SC5D: variants seen among roughly 807,000 people sequenced by gnomAD.
SC5D encodes the protein sterol-C5-desaturase, also known as lathosterol oxidase.
Under a neutral mutation model 23.9 loss-of-function variants are expected in SC5D, and 21 were observed. The observed-to-expected ratio is 0.88, with a 90% CI of 0.62 to 1.26. SC5D has a LOEUF of 1.26. Ranked by LOEUF, SC5D falls within the 50% of genes most tolerant of loss-of-function variation. The probability of loss-of-function intolerance (pLI) is 0.00; values close to 1 mark genes in which losing one functional copy is unlikely to be tolerated. For missense variants in SC5D, 309 were observed against 364.8 expected (o/e 0.85, Z 1.25); for synonymous variants, 113 against 125.9 (o/e 0.90, Z 0.68).
At chr11:121,293,470 C>T (rs1330797202) in intron 1 of SC5D, among the ~76,000 whole-genome samples, 2 of 152,154 alleles carry the variant, frequency 1.3e-5, no homozygotes, top group Non-Finnish European at 2.9e-5. Context: ...GGACAGCAAT[C>T]TGGGGCTGAG....
Position 121,307,303 on chromosome 11 carries a change from G to A in SC5D, c.691G>A (p.Asp231Asn), listed in dbSNP as rs142234975. Reference protein sequence around the residue: ...PFINGSAHHTDHHMFFDYNYG... With the variant: ...PFINGSAHHTNHHMFFDYNYG... ...TATTAATGGCTCAGCTCATCATACA[G>A]ACCACCATATGTTCTTTGACTATAA... is the stretch of plus-strand genomic sequence containing the variant. The change falls in exon 5 of 5, where the codon GAC (aspartate) becomes AAC (asparagine). Residue 231 changes from aspartate to asparagine, a missense_variant. By Grantham distance (23) the Asp-to-Asn change is conservative (BLOSUM62 1). Transcript: ENST00000264027. The A allele has an allele frequency of 6.2e-7, 1 of 1,613,928 alleles. No homozygotes were observed. The highest frequency in any genetic ancestry group is 1.3e-5 in the African/African-American group (1 of 74,872).
In SC5D at chr11:121,310,515, T is replaced by A. The variant is rs915768614; in HGVS notation, c.*3003T>A. Among the ~76,000 whole-genome samples, 13 of 148,172 alleles carry A rather than the reference T, an allele frequency of 8.8e-5. No homozygotes were observed. Among genetic ancestry groups the A allele is most frequent in the Admixed American group, 2.7e-4 (4 of 14,568 alleles). ...TCTGTTGCCCCAGGCTGGAGTGCAG[T>A]GGCGTGATCTTGGTTCACTGCAAGC... On this transcript the variant is annotated 3_prime_UTR_variant, in exon 5 of 5. Coordinates refer to ENST00000264027, the MANE Select transcript of SC5D (RefSeq NM_006918.5).
At chr11:121,299,760 G>A (rs985115788) in intron 1 of SC5D, among the ~76,000 whole-genome samples, 9 of 152,156 alleles carry the variant, frequency 5.9e-5, no homozygotes, top group African/African-American at 2.2e-4. Flanking sequence ...TGGGCATGGT[G>A]GTGCCCACCT....
At chr11:121,303,263 G>T in intron 1 of SC5D, 103 bp from the exon 2 acceptor site, 1 of 837,600 alleles carries the variant, frequency 1.2e-6, no homozygotes, top group South Asian at 1.4e-5. Flanking sequence ...TACTGCATAT[G>T]ACTGTTCTTA....
intron 1 of SC5D, 83 bp from the exon 2 acceptor site, chr11:121,303,283 C>G: frequency 4.9e-6 from 5 of 1,015,664 alleles, no homozygotes; most frequent in Non-Finnish European, 7.8e-6. Context: ...AAATCAGGAA[C>G]TTGAGATATA....
chr11:121,306,531 A>G, intron 4 of SC5D, 45 bp downstream of exon 4: 1 of 922,602 alleles, frequency 1.1e-6, no homozygotes, highest in Non-Finnish European at 1.8e-6. Context: ...TACACATTTC[A>G]GCAATGTATG....
At chr11:121,293,728 C>T (rs1187413514) in intron 1 of SC5D, among the ~76,000 whole-genome samples, 2 of 152,082 alleles carry the variant, frequency 1.3e-5, no homozygotes, top group African/African-American at 4.8e-5. Context: ...TGATTGATAC[C>T]TAGTAAATAA....
At chr11:121,295,046 T>G (rs190690978) in intron 1 of SC5D, among the ~76,000 whole-genome samples, 1 of 152,364 alleles carries the variant, frequency 6.6e-6, no homozygotes, top group East Asian at 1.9e-4. Flanking sequence ...TATTTACATG[T>G]GGCCTATTGC....
intron 1 of SC5D, among the ~76,000 whole-genome samples, chr11:121,301,944 G>T (rs545042867): frequency 6.6e-6 from 1 of 152,056 alleles, no homozygotes; most frequent in African/African-American, 2.4e-5. Flanking sequence ...AACAAACACC[G>T]TAAGGATTCT....
At chr11:121,306,324 A>G in intron 3 of SC5D, 62 bp from the exon 4 acceptor site, 1 of 830,554 alleles carries the variant, frequency 1.2e-6, no homozygotes, top group Non-Finnish European at 2.1e-6. Context: ...GGACATGTGA[A>G]AAGTGAACTC....
rs762375370 is a variant in SC5D, at chr11:121,307,430, CAG to C, written c.821_822del (p.Glu274GlyfsTer12). On this transcript the variant is annotated frameshift_variant, in exon 5 of 5. Coordinates refer to ENST00000264027, the MANE Select transcript of SC5D (RefSeq NM_006918.5). LOFTEE classifies it low-confidence loss of function (END_TRUNC). ...CCGCTCAGTTATGTGAAGGAGATGA[CAG>C]AGGGAAAGCGCAGCAGCCATTCAGG... 2.5e-6 allele frequency: 4 copies of C among 1,611,174 alleles called. No homozygotes were observed. The highest frequency in any genetic ancestry group is 2.5e-6 in the Non-Finnish European group (3 of 1,178,400).
In SC5D at chr11:121,303,404, A is replaced by G; in HGVS notation, c.29A>G (p.Tyr10Cys). The change falls in exon 2 of 5, where the codon TAC (tyrosine) becomes TGC (cysteine). Residue 10 changes from tyrosine to cysteine, a missense_variant. Coordinates refer to ENST00000264027, the MANE Select transcript of SC5D (RefSeq NM_006918.5). ...GATCTTGTACTCCGTGTTGCAGATT[A>G]CTATTTTTTTACACCATACGTGTAT... MDLVLRVAD[Y>C]YFFTPYVYPA... 2 of 1,613,998 alleles carry G rather than the reference A, an allele frequency of 1.2e-6. No homozygotes were observed. Among genetic ancestry groups the G allele is most frequent in the South Asian group, 1.1e-5 (1 of 91,082 alleles).
Position 121,312,436 on chromosome 11 carries a change from T to C in SC5D, c.*4924T>C, listed in dbSNP as rs35288685. On this transcript the variant is annotated 3_prime_UTR_variant, in exon 5 of 5. Coordinates refer to ENST00000264027, the MANE Select transcript of SC5D (RefSeq NM_006918.5). ...AATTCCAATTATCCTGAACATTTAATACCATTTACATATTTTATTAATCAC... is the reference window on the plus strand; with the variant it reads ...AATTCCAATTATCCTGAACATTTAACACCATTTACATATTTTATTAATCAC... Among the ~76,000 whole-genome samples, 70,648 of 152,010 alleles carry C rather than the reference T, an allele frequency of 0.46. 17,855 individuals carry two copies. The highest frequency in any genetic ancestry group is 0.56 in the Non-Finnish European group (38,342 of 67,944).
intron 3 of SC5D, chr11:121,306,133 A>C: frequency 2.2e-6 from 1 of 454,710 alleles, no homozygotes; most frequent in Non-Finnish European, 4.0e-6. Context: ...CCTGTCTCAC[A>C]AATATCTTTA....
chr11:121,299,734 T>A (rs564691224), intron 1 of SC5D, among the ~76,000 whole-genome samples: 2 of 152,174 alleles, frequency 1.3e-5, no homozygotes, highest in African/African-American at 4.8e-5. Flanking sequence ...TACAAAAAAA[T>A]TTTTTCTTAA....
At chr11:121,302,141 A>G (rs1947930425) in intron 1 of SC5D, among the ~76,000 whole-genome samples, 1 of 152,242 alleles carries the variant, frequency 6.6e-6, no homozygotes. Flanking sequence ...AATAGGCTAC[A>G]AAGAAGTAAA....
At chr11:121,303,767 C>G (rs1947942736) in intron 2 of SC5D, 182 bp downstream of exon 2, 5 of 581,504 alleles carry the variant, frequency 8.6e-6, no homozygotes, top group African/African-American at 1.9e-5. Flanking sequence ...TTAGTTTAAG[C>G]AAATCTAACT....
Position 121,309,244 on chromosome 11 carries a change from A to G in SC5D, c.*1732A>G, listed in dbSNP as rs985002085. 6.6e-6 allele frequency among the ~76,000 whole-genome samples: 1 copy of G among 152,182 alleles called. No homozygotes were observed. Among genetic ancestry groups the G allele is most frequent in the African/African-American group, 2.4e-5 (1 of 41,436 alleles). ...GGGCTCTGCCTTTCTCTCAGTCCAT[A>G]GAGCCCTCTTTGTTGAAAGAGCACA... On this transcript the variant is annotated 3_prime_UTR_variant, in exon 5 of 5. Transcript: ENST00000264027.
intron 1 of SC5D, among the ~76,000 whole-genome samples, chr11:121,300,191 C>G (rs1330449766): frequency 1.3e-5 from 2 of 152,174 alleles, no homozygotes; most frequent in Admixed American, 1.3e-4. Flanking sequence ...GGAATTAAAA[C>G]TTTATGAGTT....
Sources: allele counts gnomAD v4.1 joint callset (sites outside exome capture counted in the v4.1 genomes callset), GRCh38; gene constraint gnomAD v4.1.1; transcripts MANE v1.5; gene names NCBI Gene and HGNC (gene_info 2026-07-23, HGNC 2026-07-21).